DIP2C: variants seen among roughly 807,000 people sequenced by gnomAD.
DIP2C encodes DIP2 acetate--CoA ligase C (putative), also known as disco-interacting protein 2 homolog C.
In DIP2C, 33 loss-of-function variants were observed where a neutral mutation model predicts 192.4. The observed-to-expected ratio is 0.17, with a 90% confidence interval of 0.13 to 0.23. The LOEUF (loss-of-function observed/expected upper bound fraction) is 0.23. DIP2C is among the 10% of genes least tolerant of loss of function. The pLI is 1.00. For missense variants in DIP2C, 1,537 were observed against 2,110.1 expected (o/e 0.73, Z 5.32); for synonymous variants, 979 against 864.1 (o/e 1.13, Z -2.33).
rs1165252539 is a variant in DIP2C, at chr10:477,718, GAAGA to G, written c.158-5173_158-5170del. ...AGAAAAGGAAAGAATAAAGGAGAGA[GAAGA>G]AAGAGAAGGAAAGAAAGAACGAGAA... On this transcript the variant is annotated intron_variant, in intron 2 of 36. Transcript: ENST00000280886. Among the ~76,000 whole-genome samples the G allele has an allele frequency of 3.5e-4, 48 of 138,528 alleles. 1 individual carries two copies. The highest frequency in any genetic ancestry group is 1.2e-3 in the African/African-American group (47 of 37,924). The allele number at this position is 138,528 out of a possible 152,430, so 90.9% of individuals were successfully genotyped here.
At chr10:296,683 A>G (rs1285055462) in intron 32 of DIP2C, among the ~76,000 whole-genome samples, 1 of 152,126 alleles carries the variant, frequency 6.6e-6, no homozygotes, top group African/African-American at 2.4e-5. Flanking sequence ...TGTGGCACAT[A>G]TACACCATGG....
chr10:364,944 C>T, intron 19 of DIP2C: 1 of 537,316 alleles, frequency 1.9e-6, no homozygotes, highest in Admixed American at 2.1e-5. Flanking sequence ...AGTCAAGGTA[C>T]ATTTTAAACA....
At chr10:657,560 TGTCCCTG>T (rs2132053813) in intron 1 of DIP2C, among the ~76,000 whole-genome samples, 1 of 76,582 alleles carries the variant, frequency 1.3e-5, no homozygotes, top group Admixed American at 1.4e-4. Flanking sequence ...ACACTGGACC[TGTCCCTG>T]GACCTGCCCC....
intron 1 of DIP2C, among the ~76,000 whole-genome samples, chr10:579,341 TAC>T (rs565872111): frequency 4.4e-4 from 67 of 151,908 alleles, no homozygotes; most frequent in African/African-American, 1.3e-3. Context: ...ATGCATAGTG[TAC>T]ACACACCCAA....
intron 8 of DIP2C, among the ~76,000 whole-genome samples, chr10:410,369 C>T (rs1055723302): frequency 1.4e-4 from 22 of 152,190 alleles, no homozygotes; most frequent in African/African-American, 5.1e-4. Context: ...GCTAGACACA[C>T]ATTTATTCAT....
chr10:560,211 C>T (rs1196474330), intron 1 of DIP2C, among the ~76,000 whole-genome samples: 1 of 152,168 alleles, frequency 6.6e-6, no homozygotes, highest in Non-Finnish European at 1.5e-5. Flanking sequence ...GAGCAGTCCT[C>T]GGGATAAAAC....
intron 24 of DIP2C, among the ~76,000 whole-genome samples, chr10:355,619 T>A (rs999747422): frequency 1.3e-5 from 2 of 152,260 alleles, no homozygotes; most frequent in African/African-American, 4.8e-5. Context: ...TTCTTGTTAA[T>A]AGTATTAGCT....
intron 32 of DIP2C, 119 bp from the exon 33 acceptor site, chr10:288,540 C>G: frequency 9.5e-7 from 1 of 1,056,882 alleles, no homozygotes; most frequent in South Asian, 1.4e-5. Flanking sequence ...TGAGCATCAT[C>G]CAACAGCAAG....
At chr10:329,251 G>A (rs972165190) in intron 30 of DIP2C, among the ~76,000 whole-genome samples, 182 bp downstream of exon 30, 2 of 152,204 alleles carry the variant, frequency 1.3e-5, no homozygotes, top group African/African-American at 4.8e-5. Context: ...GTGGTCGTGG[G>A]GAAATATTCA....
rs375582843 is a variant in DIP2C, at chr10:665,778, A to G, written c.85+23716T>C. On this transcript the variant is annotated intron_variant, in intron 1 of 36. Coordinates refer to ENST00000280886, the MANE Select transcript of DIP2C (RefSeq NM_014974.3). Reference sequence around the variant, plus strand: ...CGCTTTCCCAAAACAAAACACATCAATCAAACGAACCCGATGAAATATACG... The same window carrying G: ...CGCTTTCCCAAAACAAAACACATCAGTCAAACGAACCCGATGAAATATACG... 12 of 152,328 alleles carry G rather than the reference A, an allele frequency of 7.9e-5. No individual in the cohort carries two copies. The East Asian group carries it at 1.3e-3, about 17-fold the overall frequency. The allele number at this position is 152,328 out of a possible 1,614,324, so 9.4% of individuals were successfully genotyped here.
At chr10:618,445 C>A (rs1359667507) in intron 1 of DIP2C, among the ~76,000 whole-genome samples, 1 of 152,226 alleles carries the variant, frequency 6.6e-6, no homozygotes, top group Non-Finnish European at 1.5e-5. Context: ...GACCTGCCCA[C>A]ATTTCTCAAA....
At position 599,758 on chromosome 10, in the gene DIP2C, C is replaced by A. The variant is rs550351600; in HGVS notation, c.85+89736G>T. Reference sequence around the variant, plus strand: ...TCCCAACGGGCCCTTTTTTAAGATTCCGGATGTAAATGCGGTTGTCATCCT... The same window carrying A: ...TCCCAACGGGCCCTTTTTTAAGATTACGGATGTAAATGCGGTTGTCATCCT... On this transcript the variant is annotated intron_variant, in intron 1 of 36. Transcript: ENST00000280886. 5.3e-5 allele frequency among the ~76,000 whole-genome samples: 8 copies of A among 152,298 alleles called. No individual in the cohort carries two copies. The East Asian group carries it at 1.5e-3, about 29-fold the overall frequency.
At position 384,462 on chromosome 10, in the gene DIP2C, T is replaced by C. The variant is rs1589669466; in HGVS notation, c.1756+84A>G. The C allele has an allele frequency of 2.9e-6, 4 of 1,393,668 alleles. No homozygotes were observed. The Admixed American group carries it at 6.9e-5, about 24-fold the overall frequency. 86.3% of individuals were successfully genotyped at this position (1,393,668 alleles called of 1,614,324 possible). Reference sequence around the variant, plus strand: ...CATATTGGCCCGGGTGGTCTGGAACTCCTGACCTCAGGTGATCCACCTGCT... The same window carrying C: ...CATATTGGCCCGGGTGGTCTGGAACCCCTGACCTCAGGTGATCCACCTGCT... On this transcript the variant is annotated intron_variant, in intron 15 of 36. Coordinates refer to ENST00000280886, the MANE Select transcript of DIP2C (RefSeq NM_014974.3).
intron 1 of DIP2C, among the ~76,000 whole-genome samples, chr10:510,767 G>C (rs910214250): frequency 1.3e-5 from 2 of 152,164 alleles, no homozygotes; most frequent in Non-Finnish European, 2.9e-5. Flanking sequence ...CCGTGTGCCG[G>C]GGTTTCCAGT....
chr10:492,852 C>T (rs1844543151), intron 1 of DIP2C, among the ~76,000 whole-genome samples: 2 of 152,232 alleles, frequency 1.3e-5, no homozygotes, highest in South Asian at 4.1e-4. Flanking sequence ...ATTTGTAACA[C>T]ATGGATCAAA....
chr10:310,411 A>G (rs1733666848), intron 31 of DIP2C, among the ~76,000 whole-genome samples: 2 of 152,260 alleles, frequency 1.3e-5, no homozygotes, highest in African/African-American at 4.8e-5. Flanking sequence ...GCGCTGCAAA[A>G]GCAGGTTGGA....
intron 1 of DIP2C, among the ~76,000 whole-genome samples, chr10:612,365 A>G (rs1056921823): frequency 1.3e-5 from 2 of 152,190 alleles, no homozygotes; most frequent in African/African-American, 2.4e-5. Context: ...AAGAAAAATA[A>G]TATGAAAGCA....
intron 1 of DIP2C, among the ~76,000 whole-genome samples, chr10:613,518 G>A (rs1853237223): frequency 6.6e-6 from 1 of 152,206 alleles, no homozygotes; most frequent in African/African-American, 2.4e-5. Context: ...GGCAAGGCTT[G>A]ACCAGGCAAA....
chr10:331,139 C>T (rs1362159492), intron 29 of DIP2C, among the ~76,000 whole-genome samples: 1 of 152,068 alleles, frequency 6.6e-6, no homozygotes, highest in Non-Finnish European at 1.5e-5. Flanking sequence ...ATCAGTGAAA[C>T]AGCACTATGA....
Sources: allele counts gnomAD v4.1 joint callset (sites outside exome capture counted in the v4.1 genomes callset), GRCh38; gene constraint gnomAD v4.1.1; transcripts MANE v1.5; gene names NCBI Gene and HGNC (gene_info 2026-07-23, HGNC 2026-07-21).